SLC25A21: variants seen among roughly 807,000 people sequenced by gnomAD.
SLC25A21 encodes solute carrier family 25 member 21.
A neutral mutation model predicts 43.8 loss-of-function variants in SLC25A21; 47 were observed. That is an observed-to-expected ratio of 1.07 (90% CI 0.85 to 1.37). The LOEUF is 1.37. Ranked by LOEUF, SLC25A21 falls within the 40% of genes most tolerant of loss-of-function variation. SLC25A21 has a pLI of 0.00. For synonymous variants in SLC25A21, 131 were observed against 121.3 expected (o/e 1.08, Z -0.52); for missense variants, 352 against 350.2 (o/e 1.00, Z -0.04).
At chr14:36,743,887 CA>C (rs1303831447) in intron 3 of SLC25A21, among the ~76,000 whole-genome samples, 1 of 152,108 alleles carries the variant, frequency 6.6e-6, no homozygotes, top group Non-Finnish European at 1.5e-5. Flanking sequence ...CAATAATAAT[CA>C]ACCTGATAAC....
At chr14:36,839,618 A>G (rs1889317935) in intron 2 of SLC25A21, among the ~76,000 whole-genome samples, 1 of 152,246 alleles carries the variant, frequency 6.6e-6, no homozygotes, top group Non-Finnish European at 1.5e-5. Flanking sequence ...GTTCCAACAC[A>G]AAAGGAGATG....
intron 1 of SLC25A21, among the ~76,000 whole-genome samples, chr14:36,980,664 A>T (rs1027069340): frequency 6.6e-6 from 1 of 152,122 alleles, no homozygotes; most frequent in African/African-American, 2.4e-5. Context: ...CAACTCATCA[A>T]ACTCATTCTC....
chr14:36,942,529 A>G (rs765291892), intron 1 of SLC25A21, among the ~76,000 whole-genome samples: 1 of 152,234 alleles, frequency 6.6e-6, no homozygotes, highest in African/African-American at 2.4e-5. Flanking sequence ...AGATAAATGA[A>G]AAGTATCTGG....
chr14:36,742,737 A>G (rs982210494), intron 3 of SLC25A21, among the ~76,000 whole-genome samples: 2 of 152,204 alleles, frequency 1.3e-5, no homozygotes, highest in African/African-American at 4.8e-5. Context: ...TAAAACTAAC[A>G]AAAGTTTTGC....
rs553339832 is a variant in SLC25A21, at chr14:36,974,994, A to G, written c.71-99990T>C. Among the ~76,000 whole-genome samples, 5 of 152,296 alleles carry G rather than the reference A, an allele frequency of 3.3e-5. No homozygotes were observed. In the East Asian group the frequency reaches 9.7e-4, roughly 29 times the overall value. ...GATGATGGTGATGAACAAGAGGATGATGACTTCCATTTTTAAAGCACTCAG... is the reference window on the plus strand; with the variant it reads ...GATGATGGTGATGAACAAGAGGATGGTGACTTCCATTTTTAAAGCACTCAG... On this transcript the variant is annotated intron_variant, in intron 1 of 9. Coordinates refer to ENST00000331299, the MANE Select transcript of SLC25A21 (RefSeq NM_030631.4).
intron 2 of SLC25A21, among the ~76,000 whole-genome samples, chr14:36,814,208 C>T (rs965692861): frequency 6.6e-6 from 1 of 152,188 alleles, no homozygotes; most frequent in South Asian, 2.1e-4. Flanking sequence ...TTAATGAAAT[C>T]TATAGAAAAA....
intron 2 of SLC25A21, among the ~76,000 whole-genome samples, chr14:36,850,654 A>G (rs918113675): frequency 6.6e-6 from 1 of 152,130 alleles, no homozygotes; most frequent in Non-Finnish European, 1.5e-5. Context: ...ATGTTATAAC[A>G]TGTTATTTTC....
chr14:36,745,823 C>T (rs1885473195), intron 3 of SLC25A21, among the ~76,000 whole-genome samples: 1 of 152,086 alleles, frequency 6.6e-6, no homozygotes, highest in Non-Finnish European at 1.5e-5. Flanking sequence ...CAAAAGAAGA[C>T]ATACACGTGG....
At chr14:36,852,714 T>G (rs1397783749) in intron 2 of SLC25A21, among the ~76,000 whole-genome samples, 1 of 152,118 alleles carries the variant, frequency 6.6e-6, no homozygotes, top group Non-Finnish European at 1.5e-5. Flanking sequence ...ATGGTATTCT[T>G]TGGAGTCTAC....
chr14:37,020,709 G>T (rs571075279), intron 1 of SLC25A21, among the ~76,000 whole-genome samples: 3 of 152,004 alleles, frequency 2.0e-5, no homozygotes, highest in Non-Finnish European at 2.9e-5. Flanking sequence ...CAGTATGTTT[G>T]TCTTGCAGAC....
intron 1 of SLC25A21, among the ~76,000 whole-genome samples, chr14:36,937,442 A>G (rs889918790): frequency 1.3e-5 from 2 of 152,208 alleles, no homozygotes; most frequent in African/African-American, 4.8e-5. Context: ...GAGGCAACAT[A>G]GTAGAGAGTG....
In SLC25A21 at chr14:36,692,613, C is replaced by A. The variant is rs999707375; in HGVS notation, c.604-7688G>T. Among the ~76,000 whole-genome samples the A allele has an allele frequency of 9.2e-5, 14 of 152,158 alleles. 1 individual carries two copies. The Middle Eastern group carries it at 0.014, about 148-fold the overall frequency. ...TCTCAGAGGTCTTTGTGATTAGGGT[C>A]TGGGGTCTTTAAGAAGGCATTTCAC... is the stretch of plus-strand genomic sequence containing the variant. On this transcript the variant is annotated intron_variant, in intron 7 of 9. Transcript: ENST00000331299.
At chr14:36,768,099 A>G (rs1488704556) in intron 3 of SLC25A21, among the ~76,000 whole-genome samples, 1 of 152,100 alleles carries the variant, frequency 6.6e-6, no homozygotes, top group African/African-American at 2.4e-5. Flanking sequence ...GGCTCTTCAC[A>G]TTTCTGTGGC....
intron 1 of SLC25A21, among the ~76,000 whole-genome samples, chr14:36,967,725 G>A (rs757029544): frequency 1.3e-5 from 2 of 152,204 alleles, no homozygotes; most frequent in Non-Finnish European, 2.9e-5. Context: ...GCATTGGGTA[G>A]TGGGTACTGG....
intron 1 of SLC25A21, among the ~76,000 whole-genome samples, chr14:36,891,915 G>T (rs1053398090): frequency 3.9e-5 from 6 of 152,170 alleles, no homozygotes; most frequent in African/African-American, 1.4e-4. Flanking sequence ...GAAGAACAGA[G>T]ATTCTGTGCT....
At chr14:37,004,851 T>C (rs888798324) in intron 1 of SLC25A21, among the ~76,000 whole-genome samples, 1 of 152,004 alleles carries the variant, frequency 6.6e-6, no homozygotes, top group Admixed American at 6.6e-5. Flanking sequence ...TATTGCTGCA[T>C]ACAGCTTCCT....
chr14:36,886,885 C>G (rs544494859), intron 1 of SLC25A21, among the ~76,000 whole-genome samples: 8 of 152,268 alleles, frequency 5.3e-5, no homozygotes, highest in Admixed American at 2.0e-4. Flanking sequence ...GCTCCACATA[C>G]ACTTGGGTAA....
At chr14:36,809,921 G>GA (rs1483260742) in intron 3 of SLC25A21, among the ~76,000 whole-genome samples, 1 of 152,100 alleles carries the variant, frequency 6.6e-6, no homozygotes, top group Non-Finnish European at 1.5e-5. Flanking sequence ...AACTAAATAA[G>GA]AAAGTCAAAA....
intron 2 of SLC25A21, among the ~76,000 whole-genome samples, chr14:36,820,694 T>C (rs761957177): frequency 2.6e-5 from 4 of 152,314 alleles, no homozygotes; most frequent in East Asian, 1.9e-4. Flanking sequence ...TAAGAGAGAA[T>C]AGACCTTGCC....
Sources: allele counts gnomAD v4.1 joint callset (sites outside exome capture counted in the v4.1 genomes callset), GRCh38; gene constraint gnomAD v4.1.1; transcripts MANE v1.5; gene names NCBI Gene and HGNC (gene_info 2026-07-23, HGNC 2026-07-21).